EXT1: variants seen among roughly 807,000 people sequenced by gnomAD.
EXT1 encodes the protein exostosin-1.
A neutral mutation model predicts 82.5 loss-of-function variants in EXT1; 20 were observed. The observed-to-expected ratio is 0.24, with a 90% CI of 0.17 to 0.35. The LOEUF (loss-of-function observed/expected upper bound fraction) is 0.35. Among genes scored for constraint, EXT1 ranks in the 10% least tolerant of loss-of-function variants. The pLI is 1.00. For missense variants in EXT1, 757 were observed against 936.5 expected, an observed-to-expected ratio of 0.81 and a Z score of 2.50; for synonymous variants, 348 against 350.8, an observed-to-expected ratio of 0.99 and a Z score of 0.09.
At chr8:117,925,432 G>A (rs141802444) in intron 1 of EXT1, among the ~76,000 whole-genome samples, 2 of 151,692 alleles carry the variant, frequency 1.3e-5, no homozygotes, top group South Asian at 2.1e-4. Flanking sequence ...TAAAGCAGAA[G>A]TACATGGAGA....
At chr8:117,985,798 C>G (rs1351448713) in intron 1 of EXT1, among the ~76,000 whole-genome samples, 12 of 152,140 alleles carry the variant, frequency 7.9e-5, no homozygotes, top group Admixed American at 7.9e-4. Flanking sequence ...AAGATAATAT[C>G]AATTGTTAGC....
intron 1 of EXT1, among the ~76,000 whole-genome samples, chr8:118,035,272 A>C (rs1011077602): frequency 2.0e-5 from 3 of 152,164 alleles, no homozygotes; most frequent in Non-Finnish European, 4.4e-5. Flanking sequence ...TGGAGGCTCC[A>C]AGTCACTCTC....
chr8:118,008,082 G>A (rs1057083076), intron 1 of EXT1, among the ~76,000 whole-genome samples: 6 of 151,858 alleles, frequency 4.0e-5, no homozygotes, highest in South Asian at 2.1e-4. Context: ...CCCAACCCCC[G>A]ACAGGCCCAG....
At chr8:118,109,968 A>C (rs1817863970) in intron 1 of EXT1, 117 bp downstream of exon 1, 2 of 1,529,104 alleles carry the variant, frequency 1.3e-6, no homozygotes, top group African/African-American at 1.4e-5. Flanking sequence ...CCAGGCTCAA[A>C]GGGGAAAGAG....
At chr8:117,963,255 G>A (rs73704842) in intron 1 of EXT1, among the ~76,000 whole-genome samples, 2,781 of 152,180 alleles carry the variant, frequency 0.018, 95 homozygotes, top group African/African-American at 0.064. Context: ...TGGTTTTCCC[G>A]ACCAGCTTGC....
intron 1 of EXT1, among the ~76,000 whole-genome samples, chr8:117,998,071 T>A (rs2129803440): frequency 6.6e-6 from 1 of 150,904 alleles, no homozygotes; most frequent in Middle Eastern, 3.4e-3. Context: ...TGGAGTGCAG[T>A]GGCTCGATCT....
chr8:117,876,539 A>C (rs1812972558), intron 1 of EXT1, among the ~76,000 whole-genome samples: 1 of 152,244 alleles, frequency 6.6e-6, no homozygotes, highest in East Asian at 1.9e-4. Context: ...TTGATAAAAT[A>C]GAATTTGGGT....
At chr8:118,057,198 T>C (rs1481780183) in intron 1 of EXT1, among the ~76,000 whole-genome samples, 1 of 152,186 alleles carries the variant, frequency 6.6e-6, no homozygotes, top group Non-Finnish European at 1.5e-5. Context: ...TCAACTTCCA[T>C]TCTTATGTTC....
intron 1 of EXT1, among the ~76,000 whole-genome samples, chr8:117,932,552 G>A (rs1288841089): frequency 3.3e-5 from 5 of 152,068 alleles, no homozygotes; most frequent in East Asian, 3.9e-4. Context: ...AGTACTGCCC[G>A]CTCACCAGGG....
intron 1 of EXT1, among the ~76,000 whole-genome samples, chr8:117,875,467 AAAT>A (rs1010710851): frequency 1.3e-5 from 2 of 150,970 alleles, no homozygotes; most frequent in Admixed American, 1.3e-4. Flanking sequence ...TAAATAAATA[AAAT>A]AATAAAGGTA....
chr8:117,811,064 C>T (rs1823310233), intron 8 of EXT1, among the ~76,000 whole-genome samples: 1 of 152,098 alleles, frequency 6.6e-6, no homozygotes, highest in Non-Finnish European at 1.5e-5. Context: ...CATTACTCAC[C>T]AGGTGCCTCA....
At position 118,051,580 on chromosome 8, in the gene EXT1, A is replaced by G. The variant is rs1393056106; in HGVS notation, c.962+58505T>C. Among the ~76,000 whole-genome samples the G allele has an allele frequency of 2.0e-5, 3 of 152,192 alleles. No individual in the cohort carries two copies. The East Asian group carries it at 5.8e-4, about 29-fold the overall frequency. On this transcript the variant is annotated intron_variant, in intron 1 of 10. Transcript: ENST00000378204. Reference sequence around the variant, plus strand: ...AAAGTCCTGGCAACCCTGGCCAGGGATCAGTGAGACACAGGAACATCTTTC... The same window carrying G: ...AAAGTCCTGGCAACCCTGGCCAGGGGTCAGTGAGACACAGGAACATCTTTC...
chr8:117,917,796 G>A (rs1813782262), intron 1 of EXT1, among the ~76,000 whole-genome samples: 1 of 152,186 alleles, frequency 6.6e-6, no homozygotes, highest in Non-Finnish European at 1.5e-5. Flanking sequence ...GCTGGTGGGT[G>A]GCGCTGTTAG....
intron 1 of EXT1, among the ~76,000 whole-genome samples, chr8:118,042,355 G>A (rs1816547382): frequency 6.6e-6 from 1 of 152,152 alleles, no homozygotes. Flanking sequence ...GTGCAGTGGT[G>A]CCATCTCAGC....
chr8:118,071,096 T>C (rs1328256535), intron 1 of EXT1, among the ~76,000 whole-genome samples: 1 of 152,152 alleles, frequency 6.6e-6, no homozygotes, highest in African/African-American at 2.4e-5. Flanking sequence ...AGAATTTAAA[T>C]AAATAAAAAT....
At position 117,891,510 on chromosome 8, in the gene EXT1, T is replaced by C. The variant is rs147687068; in HGVS notation, c.963-54309A>G. Among the ~76,000 whole-genome samples the C allele has an allele frequency of 9.6e-3, 948 of 98,670 alleles. 11 individuals carry two copies. The highest frequency in any genetic ancestry group is 0.032 in the African/African-American group (899 of 28,468). 64.7% of individuals were successfully genotyped at this position (98,670 alleles called of 152,430 possible). ...CAAATCTGAAAGCTATACTCCTTTGTTGAGAATGCCCTTGAGTGAAAAAAA... is the reference window on the plus strand; with the variant it reads ...CAAATCTGAAAGCTATACTCCTTTGCTGAGAATGCCCTTGAGTGAAAAAAA... On this transcript the variant is annotated intron_variant, in intron 1 of 10. Coordinates refer to ENST00000378204, the MANE Select transcript of EXT1 (RefSeq NM_000127.3).
At chr8:118,025,380 A>C (rs973147933) in intron 1 of EXT1, among the ~76,000 whole-genome samples, 2 of 152,186 alleles carry the variant, frequency 1.3e-5, no homozygotes, top group Non-Finnish European at 2.9e-5. Context: ...ATGTTGGCTC[A>C]TGGAATAAAA....
At chr8:117,975,916 C>T (rs1308007872) in intron 1 of EXT1, among the ~76,000 whole-genome samples, 1 of 152,098 alleles carries the variant, frequency 6.6e-6, no homozygotes, top group Non-Finnish European at 1.5e-5. Flanking sequence ...TGTTGACCCT[C>T]GACGCTTATA....
chr8:117,884,945 G>T (rs1586263565), intron 1 of EXT1, among the ~76,000 whole-genome samples: 1 of 152,280 alleles, frequency 6.6e-6, no homozygotes, highest in South Asian at 2.1e-4. Context: ...TAGTTTCAAT[G>T]GATCGAAATA....
Sources: allele counts gnomAD v4.1 joint callset (sites outside exome capture counted in the v4.1 genomes callset), GRCh38; gene constraint gnomAD v4.1.1; transcripts MANE v1.5; gene names NCBI Gene and HGNC (gene_info 2026-07-23, HGNC 2026-07-21).